The following MAPKBP1 variants were observed in gnomAD, a reference collection of about 807,000 sequenced individuals.
MAPKBP1 encodes the protein mitogen-activated protein kinase-binding protein 1.
MAPKBP1 carries 71 observed loss-of-function variants against 170.5 expected under a neutral mutation model. That is an observed-to-expected ratio of 0.42 (90% CI 0.34 to 0.51). The LOEUF (loss-of-function observed/expected upper bound fraction) is 0.51, where lower values mean the gene tolerates loss of function less well. Among genes scored for constraint, MAPKBP1 ranks in the 20% least tolerant of loss-of-function variants. The pLI is 0.06. For synonymous variants in MAPKBP1, 719 were observed against 757.9 expected (o/e 0.95, Z 0.84); for missense variants, 1,598 against 1,933.0 (o/e 0.83, Z 3.25).
intron 1 of MAPKBP1, 180 bp from the exon 2 acceptor site, chr15:41,774,987 G>A (rs1176970638): frequency 6.2e-6 from 3 of 486,850 alleles, no homozygotes; most frequent in Admixed American, 7.4e-5. Flanking sequence ...ATTTCTTCGT[G>A]GCTTAGGATT....
chr15:41,824,979 T>C (rs1275776768), intron 30 of MAPKBP1: 1 of 507,268 alleles, frequency 2.0e-6, no homozygotes, highest in African/African-American at 1.9e-5. Context: ...GGAGTTGTCA[T>C]AAGGAGTTGC....
chr15:41,824,175 C>T (rs2065050747), intron 29 of MAPKBP1, 114 bp downstream of exon 29: 4 of 1,368,842 alleles, frequency 2.9e-6, no homozygotes, highest in Middle Eastern at 2.4e-4. Flanking sequence ...TGTTTCTTGT[C>T]CTGTCTGCTC....
chr15:41,796,244 C>A (rs200806096), intron 2 of MAPKBP1, among the ~76,000 whole-genome samples: 1 of 152,156 alleles, frequency 6.6e-6, no homozygotes, highest in Non-Finnish European at 1.5e-5. Flanking sequence ...AGCACACCAC[C>A]GATTGAACTT....
At chr15:41,785,841 T>C (rs1328385845) in intron 2 of MAPKBP1, among the ~76,000 whole-genome samples, 2 of 152,228 alleles carry the variant, frequency 1.3e-5, no homozygotes, top group Non-Finnish European at 2.9e-5. Flanking sequence ...TAATATCTAT[T>C]AGAAAATTTT....
At chr15:41,779,515 T>G (rs2064149195) in intron 2 of MAPKBP1, among the ~76,000 whole-genome samples, 1 of 152,092 alleles carries the variant, frequency 6.6e-6, no homozygotes, top group Admixed American at 6.5e-5. Flanking sequence ...GGCCAGTTAT[T>G]TTTGTTTTTT....
intron 2 of MAPKBP1, among the ~76,000 whole-genome samples, chr15:41,796,610 C>G (rs1034768367): frequency 7.2e-5 from 11 of 152,146 alleles, no homozygotes; most frequent in Non-Finnish European, 1.0e-4. Flanking sequence ...GCTTTTCCCC[C>G]CCCTTGGATA....
At chr15:41,777,403 G>A (rs1282661163) in intron 2 of MAPKBP1, among the ~76,000 whole-genome samples, 1 of 151,900 alleles carries the variant, frequency 6.6e-6, no homozygotes, top group Non-Finnish European at 1.5e-5. Context: ...GAGTCCTAAG[G>A]CAGGTGGAGA....
At chr15:41,786,017 A>G (rs1266993363) in intron 2 of MAPKBP1, among the ~76,000 whole-genome samples, 1 of 152,208 alleles carries the variant, frequency 6.6e-6, no homozygotes, top group Non-Finnish European at 1.5e-5. Flanking sequence ...GTGTACATCA[A>G]TAAGATGAAA....
In MAPKBP1 at chr15:41,827,618, C is replaced by G. The variant is rs937710361; in HGVS notation, c.*2182C>G. ...CCTCTGCCCCATGTGGGTGGGGGGC[C>G]TCGTGGCCCGGCCGGCGCCCCGTCC... On this transcript the variant is annotated 3_prime_UTR_variant, in exon 31 of 31. Transcript: ENST00000457542. The G allele has an allele frequency of 6.5e-6, 1 of 152,774 alleles. No individual in the cohort carries two copies. The highest frequency in any genetic ancestry group is 1.5e-5 in the Non-Finnish European group (1 of 68,348). 9.5% of individuals were successfully genotyped at this position (152,774 alleles called of 1,614,324 possible). A position where few individuals can be genotyped will look rare whatever the true frequency, so the allele number is the denominator to read the frequency against.
chr15:41,822,044 C>G lies in MAPKBP1; in HGVS notation c.2965C>G (p.Pro989Ala). 2 of 1,609,006 alleles carry G rather than the reference C, an allele frequency of 1.2e-6. No individual in the cohort carries two copies. The highest frequency in any genetic ancestry group is 1.7e-6 in the Non-Finnish European group (2 of 1,177,652). The change falls in exon 25 of 31, where the codon CCT (proline) becomes GCT (alanine). Residue 989 changes from proline (P) to alanine (A), a missense_variant. Around this residue, in one of 6 missense-constraint regions of MAPKBP1, gnomAD observed 942 missense variants for 953.2 expected, o/e 0.99. Transcript: ENST00000457542. ...PGSRSSEKHSPDSACSVDYSS... is the reference protein window; with the variant it reads ...PGSRSSEKHSADSACSVDYSS... The stretch of plus-strand genomic sequence containing the variant: ...CAGCAGGAGCTCAGAAAAGCACAGC[C>G]CTGACAGTGCCTGCTCTGTGGATTA...
At position 41,823,876 on chromosome 15, in the gene MAPKBP1, A is replaced by T. The variant is rs772111168; in HGVS notation, c.4028A>T (p.Glu1343Val). The stretch of plus-strand genomic sequence containing the variant: ...ACTGAGAGATGGGCCTGTTTGGGGG[A>T]GGGCACCACTCCCAAGCCTAGGACA... ...STTERWACLG[E>V]GTTPKPRTEC... The change falls in exon 29 of 31, where the codon GAG (glutamate) becomes GTG (valine). Residue 1343 changes from glutamate (E) to valine (V), a missense_variant. Coordinates refer to ENST00000457542, the MANE Select transcript of MAPKBP1 (RefSeq NM_014994.3). 22 of 1,613,896 alleles carry T rather than the reference A, an allele frequency of 1.4e-5. No homozygotes were observed. The highest frequency in any genetic ancestry group is 1.8e-5 in the Non-Finnish European group (21 of 1,179,984).
Position 41,811,171 on chromosome 15 carries a change from C to G in MAPKBP1, c.270-7C>G. ...GTGCCCCTCTGAGCCTGCCCCATCT[C>G]TTGCAGGAAAACCATCACTGCCCTT... On this transcript the variant is annotated splice_region_variant and splice_polypyrimidine_tract_variant and intron_variant, in intron 4 of 30. Transcript: ENST00000457542. 1 of 1,614,186 alleles carries G rather than the reference C, an allele frequency of 6.2e-7. No homozygotes were observed. The highest frequency in any genetic ancestry group is 8.5e-7 in the Non-Finnish European group (1 of 1,180,012).
At chr15:41,819,178 C>G (rs1317277277) in intron 20 of MAPKBP1, 68 bp from the exon 21 acceptor site, 1 of 1,573,188 alleles carries the variant, frequency 6.4e-7, no homozygotes, top group Admixed American at 1.7e-5. Flanking sequence ...CTTCCTTCTT[C>G]CCCCACTGAG....
chr15:41,777,869 G>T (rs926390491), intron 2 of MAPKBP1, among the ~76,000 whole-genome samples: 1 of 152,348 alleles, frequency 6.6e-6, no homozygotes, highest in Non-Finnish European at 1.5e-5. Flanking sequence ...CTTTTGGGGG[G>T]CAAAGAAGGA....
At chr15:41,807,058 G>A (rs1452267015) in intron 3 of MAPKBP1, among the ~76,000 whole-genome samples, 1 of 152,216 alleles carries the variant, frequency 6.6e-6, no homozygotes, top group Non-Finnish European at 1.5e-5. Flanking sequence ...AATAAAAATA[G>A]TTGCTTAAGG....
At chr15:41,785,248 G>A (rs2064263855) in intron 2 of MAPKBP1, among the ~76,000 whole-genome samples, 1 of 151,994 alleles carries the variant, frequency 6.6e-6, no homozygotes, top group South Asian at 2.1e-4. Flanking sequence ...TTTTTAATCA[G>A]CCTTTCTGCA....
At chr15:41,786,092 A>G (rs1473829116) in intron 2 of MAPKBP1, among the ~76,000 whole-genome samples, 4 of 152,170 alleles carry the variant, frequency 2.6e-5, no homozygotes, top group Non-Finnish European at 5.9e-5. Flanking sequence ...AGTATACAAG[A>G]TATCTTGAAT....
At chr15:41,783,101 A>G (rs530975432) in intron 2 of MAPKBP1, among the ~76,000 whole-genome samples, 34 of 152,068 alleles carry the variant, frequency 2.2e-4, no homozygotes, top group African/African-American at 7.7e-4. Flanking sequence ...CTCTCTTGGG[A>G]TTGGTTGGGG....
At chr15:41,794,730 G>C (rs935798490) in intron 2 of MAPKBP1, among the ~76,000 whole-genome samples, 8 of 152,126 alleles carry the variant, frequency 5.3e-5, no homozygotes, top group Non-Finnish European at 1.2e-4. Flanking sequence ...AAAGTGCTGG[G>C]AATACATCCA....
Sources: gnomAD v4.1 joint callset for allele counts (sites outside exome capture counted in the v4.1 genomes callset) on GRCh38, gnomAD v4.1.1 for gene constraint, gnomAD v4.1.1 regional missense constraint, MANE v1.5 for transcripts, NCBI Gene and HGNC (gene_info 2026-07-23, HGNC 2026-07-21) for gene names.